Variants in MEIS2 observed in about 807,000 individuals in gnomAD.
MEIS2 encodes the protein Meis homeobox 2, also known as homeobox protein Meis2.
MEIS2 carries 9 observed loss-of-function variants against 58.6 expected under a neutral mutation model. The observed-to-expected ratio is 0.15, with a 90% confidence interval of 0.09 to 0.27. The LOEUF (loss-of-function observed/expected upper bound fraction) is 0.27, where lower values mean the gene tolerates loss of function less well. Among genes scored for constraint, MEIS2 ranks in the 10% least tolerant of loss-of-function variants. The pLI is 1.00. For missense variants in MEIS2, 427 were observed against 635.0 expected (o/e 0.67, Z 3.52); for synonymous variants, 221 against 228.4 (o/e 0.97, Z 0.29).
At chr15:37,098,928 C>T in intron 1 of MEIS2, 2 of 985,598 alleles carry the variant, frequency 2.0e-6, no homozygotes, top group Non-Finnish European at 2.4e-6. Flanking sequence ...AGCGGATTCC[C>T]TGCGTCCTTG....
intron 8 of MEIS2, among the ~76,000 whole-genome samples, chr15:36,969,941 T>C (rs777452723): frequency 2.7e-4 from 41 of 152,132 alleles, no homozygotes; most frequent in Non-Finnish European, 5.9e-5. Context: ...AAGAAAACTA[T>C]ACAGGGCCCT....
intron 8 of MEIS2, among the ~76,000 whole-genome samples, chr15:36,961,868 C>A (rs2059195132): frequency 6.6e-6 from 1 of 152,088 alleles, no homozygotes; most frequent in South Asian, 2.1e-4. Flanking sequence ...AAAGCAATAG[C>A]TATTTCTTAT....
At chr15:37,079,640 T>C (rs149259015) in intron 7 of MEIS2, among the ~76,000 whole-genome samples, 1 of 152,292 alleles carries the variant, frequency 6.6e-6, no homozygotes, top group Non-Finnish European at 1.5e-5. Context: ...TTACATTCAC[T>C]ACTAAGGAGA....
At chr15:37,010,200 G>C (rs1442988305) in intron 8 of MEIS2, among the ~76,000 whole-genome samples, 1 of 151,300 alleles carries the variant, frequency 6.6e-6, no homozygotes, top group Non-Finnish European at 1.5e-5. Flanking sequence ...CCATTCTCCT[G>C]CCTCAGCCTC....
At chr15:36,960,498 GC>G (rs1462288906) in intron 8 of MEIS2, among the ~76,000 whole-genome samples, 1 of 152,024 alleles carries the variant, frequency 6.6e-6, no homozygotes, top group Admixed American at 6.6e-5. Flanking sequence ...AATCAGGAGG[GC>G]TAGGAAACAC....
At chr15:37,025,534 C>CT (rs893898569) in intron 8 of MEIS2, among the ~76,000 whole-genome samples, 45 of 148,724 alleles carry the variant, frequency 3.0e-4, no homozygotes, top group South Asian at 1.5e-3. Flanking sequence ...AGGAAAGTCA[C>CT]TTTTTTTTTT....
intron 2 of MEIS2, 64 bp downstream of exon 2, chr15:37,097,903 C>T (rs1330837497): frequency 1.3e-6 from 2 of 1,505,288 alleles, no homozygotes; most frequent in Middle Eastern, 1.8e-4. Context: ...TTCCCACCCC[C>T]ACAGAGACAA....
chr15:36,938,462 T>C (rs944576331), intron 9 of MEIS2, among the ~76,000 whole-genome samples: 2 of 152,222 alleles, frequency 1.3e-5, no homozygotes, highest in Non-Finnish European at 2.9e-5. Context: ...CCCAGAGTTG[T>C]AGCTCCTTTT....
At chr15:36,942,143 T>C (rs2058398018) in intron 9 of MEIS2, among the ~76,000 whole-genome samples, 1 of 152,154 alleles carries the variant, frequency 6.6e-6, no homozygotes, top group Non-Finnish European at 1.5e-5. Flanking sequence ...GGATTCTGGA[T>C]GAGGGCTGGG....
chr15:37,093,845 G>C (rs1204059758), intron 5 of MEIS2, 115 bp from the exon 6 acceptor site: 1 of 1,333,304 alleles, frequency 7.5e-7, no homozygotes, highest in South Asian at 1.3e-5. Flanking sequence ...AAGAGCAACA[G>C]TGTGATGTCT....
At chr15:36,901,535 A>G (rs990936019) in intron 9 of MEIS2, among the ~76,000 whole-genome samples, 1 of 152,188 alleles carries the variant, frequency 6.6e-6, no homozygotes, top group Admixed American at 6.5e-5. Flanking sequence ...GAGCAAAGTA[A>G]GGTAAATGAA....
chr15:37,080,673 T>C (rs1210392190), intron 7 of MEIS2, among the ~76,000 whole-genome samples: 1 of 152,160 alleles, frequency 6.6e-6, no homozygotes, highest in Admixed American at 6.6e-5. Context: ...GCCCCAAGTC[T>C]GCACCCTAAT....
At chr15:37,006,700 G>A (rs1567172594) in intron 8 of MEIS2, among the ~76,000 whole-genome samples, 1 of 152,176 alleles carries the variant, frequency 6.6e-6, no homozygotes, top group Non-Finnish European at 1.5e-5. Context: ...ACTGTTCGTT[G>A]TTCACCTGAC....
intron 7 of MEIS2, among the ~76,000 whole-genome samples, chr15:37,072,159 G>T (rs1374831228): frequency 6.6e-6 from 1 of 151,996 alleles, no homozygotes; most frequent in Non-Finnish European, 1.5e-5. Context: ...TCTCTCAAAT[G>T]TATTCTCCAC....
chr15:36,920,521 A>G (rs1275030109), intron 9 of MEIS2, among the ~76,000 whole-genome samples: 1 of 152,182 alleles, frequency 6.6e-6, no homozygotes, highest in African/African-American at 2.4e-5. Flanking sequence ...TAAAGGGGAG[A>G]ATGATGCAGA....
chr15:36,898,878 C>G (rs187740969), intron 9 of MEIS2: 1 of 152,340 alleles, frequency 6.6e-6, no homozygotes, highest in East Asian at 1.9e-4. Context: ...GCTAGCAGGT[C>G]TTTATAGAAG....
At chr15:36,942,855 G>A (rs1019647534) in intron 9 of MEIS2, among the ~76,000 whole-genome samples, 3 of 151,888 alleles carry the variant, frequency 2.0e-5, no homozygotes, top group Non-Finnish European at 4.4e-5. Context: ...ATTTTTAAGA[G>A]TAAAAAAATT....
intron 9 of MEIS2, among the ~76,000 whole-genome samples, chr15:36,934,008 C>A (rs1329526131): frequency 6.6e-6 from 1 of 152,166 alleles, no homozygotes; most frequent in Non-Finnish European, 1.5e-5. Context: ...GTCAGCTATG[C>A]ATATCACATA....
At chr15:36,950,650 C>T (rs1038116556) in intron 8 of MEIS2, among the ~76,000 whole-genome samples, 1 of 152,088 alleles carries the variant, frequency 6.6e-6, no homozygotes, top group African/African-American at 2.4e-5. Flanking sequence ...TATGCAATTT[C>T]TTTAATCAGT....
Sources: allele counts gnomAD v4.1 joint callset (sites outside exome capture counted in the v4.1 genomes callset), GRCh38; gene constraint gnomAD v4.1.1; transcripts MANE v1.5; gene names NCBI Gene and HGNC (gene_info 2026-07-23, HGNC 2026-07-21).